SNX2: variants seen among roughly 807,000 people sequenced by gnomAD.
SNX2 encodes the protein sorting nexin-2.
Under a neutral mutation model 69.9 loss-of-function variants are expected in SNX2, and 25 were observed. The ratio of observed to expected loss-of-function variants is 0.36; its 90% confidence interval spans 0.26 to 0.50. The LOEUF is 0.50. Ranked by LOEUF, SNX2 falls within the 20% of genes least tolerant of loss-of-function variation. The pLI is 0.97. For synonymous variants in SNX2, 229 were observed against 200.4 expected (o/e 1.14, Z -1.20); for missense variants, 551 against 613.3 (o/e 0.90, Z 1.07).
intron 1 of SNX2, among the ~76,000 whole-genome samples, chr5:122,779,778 C>T (rs914677720): frequency 3.3e-5 from 5 of 151,852 alleles, no homozygotes; most frequent in African/African-American, 1.2e-4. Context: ...GTGGAGGATT[C>T]GCAGGTTTGT....
rs1347429641 is a variant in SNX2 at position 122,832,258 on chromosome 5, T to A, written c.*2610T>A. On this transcript the variant is annotated 3_prime_UTR_variant, in exon 15 of 15. Transcript: ENST00000379516. ...CTTTGGGCATATCACTTAAATCTCTTATCTATAAAACAAGTACATAAAAGT... is the reference window on the plus strand; with the variant it reads ...CTTTGGGCATATCACTTAAATCTCTAATCTATAAAACAAGTACATAAAAGT... 6.6e-6 allele frequency: 1 copy of A among 152,230 alleles called. No homozygotes were observed. The highest frequency in any genetic ancestry group is 1.5e-5 in the Non-Finnish European group (1 of 68,036). The allele number at this position is 152,230 out of a possible 1,614,324, so 9.4% of individuals were successfully genotyped here. A position where few individuals can be genotyped will look rare whatever the true frequency, so the allele number is the denominator to read the frequency against.
intron 1 of SNX2, among the ~76,000 whole-genome samples, chr5:122,776,806 A>G (rs1188000180): frequency 1.3e-5 from 2 of 152,198 alleles, no homozygotes; most frequent in East Asian, 3.8e-4. Flanking sequence ...GTTGAGTAGA[A>G]AGAACTATAA....
chr5:122,801,652 C>CGTGTGTGTGTGTGT (rs61189602), intron 3 of SNX2, among the ~76,000 whole-genome samples: 3,921 of 132,038 alleles, frequency 0.03, 160 homozygotes, highest in African/African-American at 0.089. Flanking sequence ...TGGTCTTTTT[C>CGTGTGTGTGTGTGT]GTGTGTGTGT....
At chr5:122,805,306 AAG>A (rs1753616571) in intron 6 of SNX2, among the ~76,000 whole-genome samples, 1 of 151,554 alleles carries the variant, frequency 6.6e-6, no homozygotes, top group African/African-American at 2.4e-5. Flanking sequence ...AAAAAAAAAA[AAG>A]AATTTTGCTG....
At chr5:122,799,570 T>C (rs968149880) in intron 2 of SNX2, 122 bp from the exon 3 acceptor site, 2 of 569,970 alleles carry the variant, frequency 3.5e-6, no homozygotes, top group Admixed American at 6.6e-5. Flanking sequence ...TATTTTTAAA[T>C]GACATTATTT....
chr5:122,780,005 T>C (rs540992210), intron 1 of SNX2, among the ~76,000 whole-genome samples: 132 of 152,328 alleles, frequency 8.7e-4, no homozygotes, highest in Admixed American at 1.9e-3. Flanking sequence ...AGAGAACTTA[T>C]GTAATAACAG....
chr5:122,796,211 A>G (rs1297085651), intron 2 of SNX2, among the ~76,000 whole-genome samples: 1 of 152,192 alleles, frequency 6.6e-6, no homozygotes, highest in Non-Finnish European at 1.5e-5. Flanking sequence ...CAGTATTGGC[A>G]CATTACCCAT....
intron 6 of SNX2, among the ~76,000 whole-genome samples, chr5:122,807,808 A>G (rs759606872): frequency 6.6e-5 from 10 of 152,348 alleles, no homozygotes; most frequent in Non-Finnish European, 1.5e-4. Context: ...GAGGGAAAAC[A>G]TAACAAATTC....
At chr5:122,822,423 G>T (rs1754045244) in intron 11 of SNX2, among the ~76,000 whole-genome samples, 1 of 152,034 alleles carries the variant, frequency 6.6e-6, no homozygotes, top group Non-Finnish European at 1.5e-5. Flanking sequence ...CATGTCCTTT[G>T]CCCAGTTTTT....
rs745858910 is a variant in SNX2 at position 122,827,391 on chromosome 5, G to T, written c.1369G>T (p.Val457Leu). ...TTGTTTTTATTAGTGGGAGGCGAAAGTGCAACAAGGGGAAAGAGATTTTGA... is the reference window on the plus strand; with the variant it reads ...TTGTTTTTATTAGTGGGAGGCGAAATTGCAACAAGGGGAAAGAGATTTTGA... ...KNEIREWEAK[V>L]QQGERDFEQI... The change falls in exon 13 of 15, where the codon GTG (valine) becomes TTG (leucine). Residue 457 changes from valine to leucine, a missense_variant. Transcript: ENST00000379516. The T allele has an allele frequency of 2.5e-6, 4 of 1,613,332 alleles. No individual in the cohort carries two copies. Among genetic ancestry groups the T allele is most frequent in the Non-Finnish European group, 2.5e-6 (3 of 1,179,488 alleles).
intron 2 of SNX2, among the ~76,000 whole-genome samples, chr5:122,796,401 A>G (rs1318723378): frequency 6.6e-6 from 1 of 152,230 alleles, no homozygotes; most frequent in African/African-American, 2.4e-5. Flanking sequence ...AGAAGTTGTC[A>G]CTGGAGATGA....
rs1754317971 is a variant in SNX2 at position 122,832,544 on chromosome 5, TTATTATCTAGATCTAG to T, written c.*2899_*2914del. On this transcript the variant is annotated 3_prime_UTR_variant, in exon 15 of 15. Coordinates refer to ENST00000379516, the MANE Select transcript of SNX2 (RefSeq NM_003100.4). ...GTTGCTACTCCTTAAACTTTTTTCT[TTATTATCTAGATCTAG>T]TAAAGTTTTCTGCATTCATTGTATT... 6.6e-6 allele frequency: 1 copy of T among 152,098 alleles called. No individual in the cohort carries two copies. Among genetic ancestry groups the T allele is most frequent in the Non-Finnish European group, 1.5e-5 (1 of 68,026 alleles). The allele number at this position is 152,098 out of a possible 1,614,324, so 9.4% of individuals were successfully genotyped here.
intron 1 of SNX2, among the ~76,000 whole-genome samples, chr5:122,777,627 A>G (rs557665640): frequency 6.6e-6 from 1 of 152,354 alleles, no homozygotes; most frequent in South Asian, 2.1e-4. Flanking sequence ...GAAAGCTTCA[A>G]TGGCATAATT....
rs965289067 is a variant in SNX2 at position 122,778,139 on chromosome 5, C to T, written c.108+2928C>T. On this transcript the variant is annotated intron_variant, in intron 1 of 14. Coordinates refer to ENST00000379516, the MANE Select transcript of SNX2 (RefSeq NM_003100.4). ...TCCTCCAAGCTCATCCATGTTGTTGCAAATGACAGGATTTCATTCCTTTTT... is the reference window on the plus strand; with the variant it reads ...TCCTCCAAGCTCATCCATGTTGTTGTAAATGACAGGATTTCATTCCTTTTT... Among the ~76,000 whole-genome samples, 5 of 152,288 alleles carry T rather than the reference C, an allele frequency of 3.3e-5. No individual in the cohort carries two copies. In the South Asian group the frequency reaches 8.3e-4, roughly 25 times the overall value.
intron 7 of SNX2, among the ~76,000 whole-genome samples, chr5:122,808,943 A>G (rs566268795): frequency 1.3e-4 from 20 of 152,202 alleles, no homozygotes; most frequent in African/African-American, 4.6e-4. Flanking sequence ...GTGTTTGTAT[A>G]ATTGATTTTT....
chr5:122,809,379 A>G (rs776073627), intron 7 of SNX2, among the ~76,000 whole-genome samples: 1 of 152,060 alleles, frequency 6.6e-6, no homozygotes, highest in Non-Finnish European at 1.5e-5. Flanking sequence ...AGAGTACTTG[A>G]CTCTACACAT....
chr5:122,826,589 G>T, intron 12 of SNX2: 3 of 748,900 alleles, frequency 4.0e-6, no homozygotes, highest in Non-Finnish European at 4.9e-6. Flanking sequence ...TAGTGAATTT[G>T]TATAAGTTTA....
At chr5:122,785,772 A>T (rs78601317) in intron 1 of SNX2, among the ~76,000 whole-genome samples, 2,263 of 152,178 alleles carry the variant, frequency 0.015, 22 homozygotes, top group Non-Finnish European at 0.019. Flanking sequence ...TTAATTTGTT[A>T]AAGTTTGTTT....
chr5:122,827,224 C>T, intron 12 of SNX2, 155 bp from the exon 13 acceptor site: 4 of 612,396 alleles, frequency 6.5e-6, no homozygotes, highest in Non-Finnish European at 1.2e-5. Flanking sequence ...TATTGGTTGA[C>T]AGTTAAATGC....
Sources: allele counts gnomAD v4.1 joint callset (sites outside exome capture counted in the v4.1 genomes callset), GRCh38; gene constraint gnomAD v4.1.1; transcripts MANE v1.5; gene names NCBI Gene and HGNC (gene_info 2026-07-23, HGNC 2026-07-21).